COTL1: variants seen among roughly 807,000 people sequenced by gnomAD.
COTL1 encodes the protein coactosin-like protein.
In COTL1, 15 loss-of-function variants were observed where a neutral mutation model predicts 16.5. That is an observed-to-expected ratio of 0.91 (90% CI 0.61 to 1.40). The LOEUF is 1.40. COTL1 is among the 40% of genes most tolerant of loss of function. The pLI is 0.00. For synonymous variants in COTL1, 112 were observed against 85.3 expected (o/e 1.31, Z -1.73); for missense variants, 220 against 201.5 (o/e 1.09, Z -0.56).
chr16:84,593,679 T>C (rs904129256), intron 2 of COTL1, among the ~76,000 whole-genome samples: 7 of 151,992 alleles, frequency 4.6e-5, no homozygotes, highest in African/African-American at 9.7e-5. Flanking sequence ...GCCCGGCTAA[T>C]TTTTTGTATT....
intron 3 of COTL1, among the ~76,000 whole-genome samples, chr16:84,573,106 G>T (rs754074802): frequency 9.9e-5 from 15 of 152,194 alleles, no homozygotes; most frequent in Non-Finnish European, 2.1e-4. Flanking sequence ...AAAGAAACCA[G>T]TGCCATTTAT....
intron 3 of COTL1, chr16:84,575,878 A>G (rs1054647515): frequency 6.6e-6 from 1 of 152,248 alleles, no homozygotes; most frequent in Admixed American, 6.5e-5. Flanking sequence ...GTATGAGCAT[A>G]AAAGGGGCTT....
chr16:84,600,388 C>G (rs1210465257), intron 2 of COTL1, among the ~76,000 whole-genome samples: 1 of 147,576 alleles, frequency 6.8e-6, no homozygotes, highest in African/African-American at 2.5e-5. Flanking sequence ...TCTCAGCTTA[C>G]TGCAACCTCC....
intron 3 of COTL1, among the ~76,000 whole-genome samples, chr16:84,584,913 G>A (rs1215692241): frequency 1.3e-5 from 2 of 152,144 alleles, no homozygotes; most frequent in South Asian, 2.1e-4. Context: ...AGTAAGTGAT[G>A]GAGCTGAAAT....
intron 2 of COTL1, among the ~76,000 whole-genome samples, chr16:84,600,085 C>A (rs1421043332): frequency 6.6e-6 from 1 of 152,142 alleles, no homozygotes; most frequent in East Asian, 1.9e-4. Flanking sequence ...GAAGGGAGAG[C>A]TCTCATTACT....
At chr16:84,589,974 G>C in intron 3 of COTL1, 131 bp downstream of exon 3, 1 of 842,016 alleles carries the variant, frequency 1.2e-6, no homozygotes, top group Middle Eastern at 2.9e-4. Context: ...TACTGGTGCA[G>C]AGACATAGCA....
intron 2 of COTL1, among the ~76,000 whole-genome samples, chr16:84,609,270 T>C (rs1905272653): frequency 1.3e-5 from 2 of 152,162 alleles, no homozygotes; most frequent in Admixed American, 1.3e-4. Context: ...CCAGCTCCCT[T>C]CTTTTGGTCG....
chr16:84,569,941 G>A (rs191507625), intron 3 of COTL1, among the ~76,000 whole-genome samples: 2 of 152,208 alleles, frequency 1.3e-5, no homozygotes, highest in African/African-American at 4.8e-5. Context: ...AAGAACACTT[G>A]AAGTTCCAGT....
At chr16:84,593,685 G>C (rs1904928594) in intron 2 of COTL1, among the ~76,000 whole-genome samples, 1 of 151,982 alleles carries the variant, frequency 6.6e-6, no homozygotes, top group Non-Finnish European at 1.5e-5. Context: ...CTAATTTTTT[G>C]TATTTTTAGT....
chr16:84,575,783 G>A lies in COTL1; in HGVS notation c.319-8828C>T, dbSNP rs1020644272. On this transcript the variant is annotated intron_variant, in intron 3 of 3. Transcript: ENST00000262428. ...ATCTCCAGTGGCCTGAGCCTCCCTGGGGACTCAACCTCCCTGAGCCTGAGT... is the reference window on the plus strand; with the variant it reads ...ATCTCCAGTGGCCTGAGCCTCCCTGAGGACTCAACCTCCCTGAGCCTGAGT... The A allele has an allele frequency of 3.3e-5, 5 of 152,246 alleles. No individual in the cohort carries two copies. The East Asian group carries it at 9.6e-4, about 29-fold the overall frequency. The allele number at this position is 152,246 out of a possible 1,614,324, so 9.4% of individuals were successfully genotyped here. A position where few individuals can be genotyped will look rare whatever the true frequency, so the allele number is the denominator to read the frequency against.
At position 84,581,691 on chromosome 16, in the gene COTL1, G is replaced by C. The variant is rs148159893; in HGVS notation, c.318+8414C>G. 2.1e-3 allele frequency among the ~76,000 whole-genome samples: 317 copies of C among 152,160 alleles called. 1 individual carries two copies. The highest frequency in any genetic ancestry group is 7.2e-3 in the African/African-American group (299 of 41,516). On this transcript the variant is annotated intron_variant, in intron 3 of 3. Coordinates refer to ENST00000262428, the MANE Select transcript of COTL1 (RefSeq NM_021149.5). ...GCCTAATTTTTGTATTTTTAGTAGA[G>C]ATGAGAGTTCCCCATGTTGGCCTGG...
At chr16:84,571,007 T>C (rs970526783) in intron 3 of COTL1, among the ~76,000 whole-genome samples, 8 of 152,044 alleles carry the variant, frequency 5.3e-5, no homozygotes, top group Non-Finnish European at 4.4e-5. Flanking sequence ...AGACAAAACT[T>C]TAAACATTTC....
intron 2 of COTL1, among the ~76,000 whole-genome samples, chr16:84,604,107 C>T (rs1905160352): frequency 7.2e-6 from 1 of 139,396 alleles, no homozygotes; most frequent in Non-Finnish European, 1.6e-5. Flanking sequence ...ACCCATGCTC[C>T]CCTCCCACTC....
At chr16:84,587,472 T>G (rs1439719432) in intron 3 of COTL1, among the ~76,000 whole-genome samples, 2 of 152,050 alleles carry the variant, frequency 1.3e-5, no homozygotes, top group Non-Finnish European at 2.9e-5. Context: ...TTTATAAAAA[T>G]AAAAATTGGA....
chr16:84,617,566 T>A lies in COTL1; in HGVS notation c.95A>T (p.Asp32Val), dbSNP rs140416122. Reference sequence around the variant, plus strand: ...CTCGCCGGGGACGATGGTGGAGCCGTCATATTTAAAAGTCACCCTTTGGGT... The same window carrying A: ...CTCGCCGGGGACGATGGTGGAGCCGACATATTTAAAAGTCACCCTTTGGGT... Reference protein sequence around the residue: ...SAVIWVTFKYDGSTIVPGEQG... With the variant: ...SAVIWVTFKYVGSTIVPGEQG... The change falls in exon 2 of 4, where the codon GAC becomes GTC. Residue 32 changes from aspartate to valine, a missense_variant. Physicochemically the swap from Asp to Val is radical, Grantham distance 152. Coordinates refer to ENST00000262428, the MANE Select transcript of COTL1 (RefSeq NM_021149.5). 35 of 1,556,792 alleles carry A rather than the reference T, an allele frequency of 2.2e-5. No homozygotes were observed. The Admixed American group carries it at 6.8e-4, about 30-fold the overall frequency.
intron 3 of COTL1, among the ~76,000 whole-genome samples, chr16:84,572,894 A>C (rs1904363279): frequency 6.6e-6 from 1 of 150,664 alleles, no homozygotes; most frequent in South Asian, 2.1e-4. Context: ...CCGGGACTAC[A>C]GGTACACACC....
At chr16:84,609,783 GCT>G (rs34475050) in intron 2 of COTL1, among the ~76,000 whole-genome samples, 41,759 of 151,998 alleles carry the variant, frequency 0.27, 6,244 homozygotes, top group East Asian at 0.44. Context: ...CCTTCACTTG[GCT>G]CTCAGTCTGT....
At chr16:84,572,756 T>C (rs1904360501) in intron 3 of COTL1, among the ~76,000 whole-genome samples, 1 of 151,454 alleles carries the variant, frequency 6.6e-6, no homozygotes, top group African/African-American at 2.4e-5. Flanking sequence ...TTCTTTCCTT[T>C]TTTTTCTTAG....
chr16:84,596,392 G>A (rs981462906), intron 2 of COTL1: 1 of 152,140 alleles, frequency 6.6e-6, no homozygotes, highest in Non-Finnish European at 1.5e-5. Context: ...CCACAAAATG[G>A]GTCAAATACT....
Sources: gnomAD v4.1 joint callset for allele counts (sites outside exome capture counted in the v4.1 genomes callset) on GRCh38, gnomAD v4.1.1 for gene constraint, MANE v1.5 for transcripts, NCBI Gene and HGNC (gene_info 2026-07-23, HGNC 2026-07-21) for gene names.